The following FCHO1 variants were observed in gnomAD, a reference collection of about 807,000 sequenced individuals.
FCHO1 encodes FCH and mu domain containing endocytic adaptor 1.
In FCHO1, 45 loss-of-function variants were observed where a neutral mutation model predicts 114.4. That is an observed-to-expected ratio of 0.39 (90% CI 0.31 to 0.50). The LOEUF (loss-of-function observed/expected upper bound fraction) is 0.50, where lower values mean the gene tolerates loss of function less well. Ranked by LOEUF, FCHO1 falls within the 20% of genes least tolerant of loss-of-function variation. The pLI, the probability that FCHO1 is intolerant of heterozygous loss-of-function variation, is 0.77. For missense variants in FCHO1, 1,042 were observed against 1,209.6 expected, an observed-to-expected ratio of 0.86 and a Z score of 2.06; for synonymous variants, 480 against 488.9, an observed-to-expected ratio of 0.98 and a Z score of 0.24.
upstream of FCHO1, among the ~76,000 whole-genome samples, chr19:17,748,753 G>C (rs1302150048): frequency 6.6e-6 from 1 of 152,192 alleles, no homozygotes; most frequent in Admixed American, 6.5e-5. Context: ...TTGGGCAGGT[G>C]ACAGCACCTT....
rs1168997924 is a variant in FCHO1, at chr19:17,776,806, T to C, written c.1259+120T>C. ...AGTTGACGTCATGCTGGGGTTTTTT[T>C]GTTTTTGTTTTTGTTTTGAGACAGA... On this transcript the variant is annotated intron_variant, in intron 18 of 28. Coordinates refer to ENST00000596536, the MANE Select transcript of FCHO1 (RefSeq NM_015122.3). The surrounding 1 kb of genome is among the most constrained non-coding windows in gnomAD (Gnocchi z 4.4). The C allele has an allele frequency of 1.1e-6, 1 of 902,588 alleles. No individual in the cohort carries two copies. Among genetic ancestry groups the C allele is most frequent in the Non-Finnish European group, 1.7e-6 (1 of 592,384 alleles). The allele number at this position is 902,588 out of a possible 1,614,324, so 55.9% of individuals were successfully genotyped here.
chr19:17,784,227 C>T lies in FCHO1; in HGVS notation c.2218C>T (p.Arg740Ter), dbSNP rs1045624223. ...TASYYNVVLL[R>*]YQFSRPGPQS... The stretch of plus-strand genomic sequence containing the variant: ...CTCCTACTACAACGTGGTGCTGCTG[C>T]GATACCAGGTGCGCCACCCGCATGG... Residue 740 changes from arginine to a stop codon, truncating the protein, a stop_gained, in exon 25 of 29, where the codon CGA becomes TGA. Coordinates refer to ENST00000596536, the MANE Select transcript of FCHO1 (RefSeq NM_015122.3). LOFTEE classifies it high-confidence loss of function. This position sits in a 1 kb window ranked among gnomAD's most constrained non-coding sequence, Gnocchi z 5.3. 1 of 1,606,954 alleles carries T rather than the reference C, an allele frequency of 6.2e-7. No homozygotes were observed. The highest frequency in any genetic ancestry group is 8.5e-7 in the Non-Finnish European group (1 of 1,176,926).
chr19:17,751,819 C>G lies in FCHO1; in HGVS notation c.-183+242C>G, dbSNP rs563733641. Among the ~76,000 whole-genome samples the G allele has an allele frequency of 6.6e-6, 1 of 152,192 alleles. No individual in the cohort carries two copies. The highest frequency in any genetic ancestry group is 1.5e-5 in the Non-Finnish European group (1 of 68,030). Reference sequence around the variant, plus strand: ...GAGCTTGGAAACCCAGAGAGCCACGCGTGATGGTTTCAAACAGGAGGTCAT... The same window carrying G: ...GAGCTTGGAAACCCAGAGAGCCACGGGTGATGGTTTCAAACAGGAGGTCAT... On this transcript the variant is annotated intron_variant, in intron 1 of 28. Transcript: ENST00000596536. The surrounding 1 kb of genome is among the most constrained non-coding windows in gnomAD (Gnocchi z 4.4).
At chr19:17,783,812 C>T (rs1206306386) in intron 24 of FCHO1, among the ~76,000 whole-genome samples, 3 of 152,046 alleles carry the variant, frequency 2.0e-5, no homozygotes, top group Non-Finnish European at 2.9e-5. Flanking sequence ...AACTCCTGAC[C>T]TCAGGTGATC....
chr19:17,756,354 G>A (rs920898114), intron 4 of FCHO1, among the ~76,000 whole-genome samples: 1 of 152,164 alleles, frequency 6.6e-6, no homozygotes, highest in African/African-American at 2.4e-5. Flanking sequence ...GACCATTTGA[G>A]GATCAAAAGT....
At chr19:17,765,830 G>A (rs2088754866) in intron 6 of FCHO1, among the ~76,000 whole-genome samples, 1 of 151,440 alleles carries the variant, frequency 6.6e-6, no homozygotes, top group African/African-American at 2.4e-5. Flanking sequence ...GGCTTCTGCT[G>A]AGTGGGGCAG....
intron 7 of FCHO1, among the ~76,000 whole-genome samples, chr19:17,767,582 A>AT (rs924695534): frequency 6.6e-6 from 1 of 151,580 alleles, no homozygotes; most frequent in Non-Finnish European, 1.5e-5. Context: ...AAAAAAAAAA[A>AT]ACAAGAGAGA....
At position 17,775,501 on chromosome 19, in the gene FCHO1, G is replaced by A. The variant is rs1440785471; in HGVS notation, c.991G>A (p.Val331Met). The A allele has an allele frequency of 9.3e-6, 15 of 1,613,808 alleles. No individual in the cohort carries two copies. Among genetic ancestry groups the A allele is most frequent in the Non-Finnish European group, 1.1e-5 (13 of 1,179,958 alleles). Residue 331 changes from valine (V) to methionine (M), a missense_variant, in exon 15 of 29, where the codon GTG becomes ATG. Val to Met is a conservative substitution (Grantham distance 21). Around this residue, in one of 3 missense-constraint regions of FCHO1, gnomAD observed 450 missense variants for 564.1 expected, o/e 0.80. Coordinates refer to ENST00000596536, the MANE Select transcript of FCHO1 (RefSeq NM_015122.3). The surrounding 1 kb of genome is among the most constrained non-coding windows in gnomAD (Gnocchi z 5.1). The part of the protein sequence containing the change: ...DEEGFTVRPD[V>M]TQNSTAEPSR... ...AGAAGGTTTCACTGTCCGGCCTGAT[G>A]TGACCCAGAACAATATCCTTCTGGC...
At chr19:17,781,584 C>T in intron 22 of FCHO1, 45 bp downstream of exon 22, 1 of 1,602,318 alleles carries the variant, frequency 6.2e-7, no homozygotes, top group Non-Finnish European at 8.5e-7. Flanking sequence ...CTCAGTGTCA[C>T]CTTCTCTGGT....
In FCHO1 at chr19:17,754,592, G is replaced by GA. The variant is rs1270955149; in HGVS notation, c.-136dup. 1.3e-5 allele frequency: 2 copies of GA among 155,734 alleles called. No homozygotes were observed. The highest frequency in any genetic ancestry group is 2.9e-5 in the Non-Finnish European group (2 of 70,018). The allele number at this position is 155,734 out of a possible 1,614,324, so 9.6% of individuals were successfully genotyped here. On this transcript the variant is annotated splice_region_variant and 5_prime_UTR_variant, in exon 3 of 29. Coordinates refer to ENST00000596536, the MANE Select transcript of FCHO1 (RefSeq NM_015122.3). ...TTCTCTTCAAACCCTTTTCCTGCAG[G>GA]AGCTGCCTGGAGTGGAGCTGAGAGC...
chr19:17,775,576 A>G lies in FCHO1; in HGVS notation c.1003+63A>G. Reference sequence around the variant, plus strand: ...CAGCAAGGACAAAATTCTCCGTAATAACCAGTCCACCTTCAGCAGTCCTCT... The same window carrying G: ...CAGCAAGGACAAAATTCTCCGTAATGACCAGTCCACCTTCAGCAGTCCTCT... On this transcript the variant is annotated intron_variant, in intron 15 of 28. Transcript: ENST00000596536. This position sits in a 1 kb window ranked among gnomAD's most constrained non-coding sequence, Gnocchi z 5.1. 6.9e-7 allele frequency: 1 copy of G among 1,439,730 alleles called. No homozygotes were observed. The highest frequency in any genetic ancestry group is 9.8e-7 in the Non-Finnish European group (1 of 1,021,646). The allele number at this position is 1,439,730 out of a possible 1,614,324, so 89.2% of individuals were successfully genotyped here.
chr19:17,770,384 A>C, intron 7 of FCHO1, 41 bp from the exon 8 acceptor site: 1 of 1,568,384 alleles, frequency 6.4e-7, no homozygotes, highest in Non-Finnish European at 8.7e-7. Flanking sequence ...GGAGGTCAGG[A>C]ATTTCACAGT....
chr19:17,762,363 C>T (rs2086641917), intron 4 of FCHO1, among the ~76,000 whole-genome samples: 1 of 151,470 alleles, frequency 6.6e-6, no homozygotes, highest in Admixed American at 6.6e-5. Flanking sequence ...TTCCATTTGA[C>T]TTCCAGTATC....
At chr19:17,764,293 G>A (rs1270152308) in intron 5 of FCHO1, 82 bp from the exon 6 acceptor site, 17 of 1,398,654 alleles carry the variant, frequency 1.2e-5, no homozygotes, top group South Asian at 3.5e-5. Context: ...CGTCCGCCTC[G>A]GCCTCCCAGA....
chr19:17,754,976 C>A, intron 3 of FCHO1, 142 bp from the exon 4 acceptor site: 1 of 666,376 alleles, frequency 1.5e-6, no homozygotes. Context: ...TGAATTATCT[C>A]AGGGGTCCTG....
upstream of FCHO1, among the ~76,000 whole-genome samples, chr19:17,748,260 C>T (rs1037017467): frequency 1.3e-5 from 2 of 152,176 alleles, no homozygotes; most frequent in Non-Finnish European, 2.9e-5. Flanking sequence ...GACGAGGGAC[C>T]CCTTCCCTTT....
In FCHO1 at chr19:17,783,990, C is replaced by T. The variant is rs2093654561; in HGVS notation, c.2094-113C>T. 1.5e-4 allele frequency: 203 copies of T among 1,348,604 alleles called. 4 individuals are homozygous for T. The South Asian group carries it at 2.8e-3, about 18-fold the overall frequency. 83.5% of individuals were successfully genotyped at this position (1,348,604 alleles called of 1,614,324 possible). ...CCACAACCACCCAGGTAGGGCTTTG[C>T]TGGGCCCAGGGTGGGCCAGGAAATT... is the stretch of plus-strand genomic sequence containing the variant. On this transcript the variant is annotated intron_variant, in intron 24 of 28. Coordinates refer to ENST00000596536, the MANE Select transcript of FCHO1 (RefSeq NM_015122.3).
At chr19:17,750,893 CGGCTCACTGCAACCTCT>C (rs1470049227), upstream of FCHO1, among the ~76,000 whole-genome samples, 18 of 145,480 alleles carry the variant, frequency 1.2e-4, no homozygotes, top group Non-Finnish European at 6.0e-5. Flanking sequence ...GGCGCAATCT[CGGCTCACTGCAACCTCT>C]GGCTCACTGC....
rs1372201079 is a variant in FCHO1 at position 17,751,971 on chromosome 19, G to A, written c.-183+394G>A. On this transcript the variant is annotated intron_variant, in intron 1 of 28. Coordinates refer to ENST00000596536, the MANE Select transcript of FCHO1 (RefSeq NM_015122.3). The surrounding 1 kb of genome is among the most constrained non-coding windows in gnomAD (Gnocchi z 4.4). Reference sequence around the variant, plus strand: ...TGGCATGAAGATTGGATGAGCAGATGCGTGTGAATAGTTGGGTACAGGGTC... The same window carrying A: ...TGGCATGAAGATTGGATGAGCAGATACGTGTGAATAGTTGGGTACAGGGTC... Among the ~76,000 whole-genome samples the A allele has an allele frequency of 6.6e-6, 1 of 152,248 alleles. No individual in the cohort carries two copies. The highest frequency in any genetic ancestry group is 2.4e-5 in the African/African-American group (1 of 41,468).
Sources: allele counts gnomAD v4.1 joint callset (sites outside exome capture counted in the v4.1 genomes callset), GRCh38; gene constraint gnomAD v4.1.1; regional missense constraint gnomAD v4.1.1; non-coding constraint Gnocchi (gnomAD v3.1); transcripts MANE v1.5; gene names NCBI Gene and HGNC (gene_info 2026-07-23, HGNC 2026-07-21).